CHL1: variants seen among roughly 807,000 people sequenced by gnomAD.
The protein encoded by CHL1 is cell adhesion molecule L1 like, also known as neural cell adhesion molecule L1-like protein.
CHL1 carries 96 observed loss-of-function variants against 141.9 expected under a neutral mutation model. That is an observed-to-expected ratio of 0.68 (90% confidence interval 0.57 to 0.80). The LOEUF is 0.80. CHL1 is among the 30% of genes least tolerant of loss of function. CHL1 has a pLI of 0.00. For synonymous variants in CHL1, 613 were observed against 502.2 expected, an observed-to-expected ratio of 1.22 and a Z score of -2.95; for missense variants, 1,820 against 1,457.2, an observed-to-expected ratio of 1.25 and a Z score of -4.05.
chr3:220,665 T>G (rs1700752550), intron 1 of CHL1, among the ~76,000 whole-genome samples: 1 of 152,148 alleles, frequency 6.6e-6, no homozygotes, highest in Non-Finnish European at 1.5e-5. Flanking sequence ...GCACTCCAGC[T>G]TGGGCAACAT....
At chr3:255,264 CT>C (rs1162089244) in intron 2 of CHL1, among the ~76,000 whole-genome samples, 1 of 152,142 alleles carries the variant, frequency 6.6e-6, no homozygotes, top group African/African-American at 2.4e-5. Flanking sequence ...TAAAAAGTCT[CT>C]TTCTTATTCA....
intron 11 of CHL1, among the ~76,000 whole-genome samples, chr3:357,858 G>C (rs1274565520): frequency 2.0e-5 from 3 of 152,166 alleles, no homozygotes; most frequent in South Asian, 2.1e-4. Flanking sequence ...GACGGGATAA[G>C]GAGAACTAAA....
Position 265,364 on chromosome 3 carries a change from G to T in CHL1, c.-95+20672G>T, listed in dbSNP as rs1250911951. On this transcript the variant is annotated intron_variant, in intron 2 of 27. Coordinates refer to ENST00000256509, the MANE Select transcript of CHL1 (RefSeq NM_006614.4). ...AGTGCACAGACTAAATGTTCAATTT[G>T]CTATAACATTTCTATAATATCACTC... is the stretch of plus-strand genomic sequence containing the variant. Among the ~76,000 whole-genome samples, 4 of 152,154 alleles carry T rather than the reference G, an allele frequency of 2.6e-5. No individual in the cohort carries two copies. In the East Asian group the frequency reaches 7.7e-4, roughly 29 times the overall value.
chr3:290,348 G>T (rs1274878552), intron 2 of CHL1, among the ~76,000 whole-genome samples: 2 of 152,082 alleles, frequency 1.3e-5, no homozygotes, highest in African/African-American at 4.8e-5. Flanking sequence ...CACAAATATT[G>T]TGAGTATTAA....
At chr3:214,983 C>CACAT (rs5845953) in intron 1 of CHL1, among the ~76,000 whole-genome samples, 2 of 149,690 alleles carry the variant, frequency 1.3e-5, no homozygotes, top group Non-Finnish European at 3.0e-5. Context: ...CACACACACA[C>CACAT]GTAACTGCTC....
At chr3:270,804 C>T (rs1345319447) in intron 2 of CHL1, among the ~76,000 whole-genome samples, 3 of 152,186 alleles carry the variant, frequency 2.0e-5, no homozygotes, top group African/African-American at 7.2e-5. Context: ...CCACATGGCT[C>T]GTAGTGGACG....
intron 5 of CHL1, among the ~76,000 whole-genome samples, chr3:337,531 A>G (rs1326364943): frequency 1.8e-4 from 16 of 89,414 alleles, no homozygotes; most frequent in East Asian, 6.1e-4. Flanking sequence ...CCCACCCCAC[A>G]ACAGGCCCCG....
intron 3 of CHL1, 38 bp from the exon 4 acceptor site, chr3:325,921 T>C: frequency 7.1e-7 from 1 of 1,412,816 alleles, no homozygotes; most frequent in South Asian, 1.2e-5. Flanking sequence ...GCCTGCTGTT[T>C]GAATAGTGTG....
intron 1 of CHL1, chr3:213,244 A>G (rs1240961818): frequency 6.6e-6 from 1 of 152,230 alleles, no homozygotes; most frequent in African/African-American, 2.4e-5. Context: ...ATTGATTCCC[A>G]TGATGCGTTC....
rs780875473 is a variant in CHL1, at chr3:349,345, A to T, written c.849-14A>T. ...TTTTAAAAAAATGTTTATTTATTTA[A>T]CTATTTTTTGCAGGCCAACTCCACA... On this transcript the variant is annotated splice_polypyrimidine_tract_variant and intron_variant, in intron 9 of 27. Coordinates refer to ENST00000256509, the MANE Select transcript of CHL1 (RefSeq NM_006614.4). 2.5e-6 allele frequency: 4 copies of T among 1,601,330 alleles called. No individual in the cohort carries two copies. The highest frequency in any genetic ancestry group is 3.4e-6 in the Non-Finnish European group (4 of 1,174,314).
intron 16 of CHL1, among the ~76,000 whole-genome samples, chr3:379,117 G>T (rs980400388): frequency 6.6e-6 from 1 of 152,046 alleles, no homozygotes; most frequent in Non-Finnish European, 1.5e-5. Flanking sequence ...AGCTGTTGGG[G>T]CCACCTGTTA....
At chr3:368,448 G>C (rs907287377) in intron 15 of CHL1, among the ~76,000 whole-genome samples, 5 of 151,832 alleles carry the variant, frequency 3.3e-5, no homozygotes, top group Non-Finnish European at 7.4e-5. Context: ...GGGGTTGTTT[G>C]TTTCTTATAA....
chr3:272,980 C>G (rs1010509268), intron 2 of CHL1, among the ~76,000 whole-genome samples: 45 of 152,260 alleles, frequency 3.0e-4, no homozygotes, highest in African/African-American at 1.0e-3. Flanking sequence ...TCCTATTAAG[C>G]TGGTATAAGT....
intron 2 of CHL1, among the ~76,000 whole-genome samples, chr3:263,298 A>G (rs1472108699): frequency 6.6e-6 from 1 of 152,176 alleles, no homozygotes; most frequent in Non-Finnish European, 1.5e-5. Context: ...TAGGTACATT[A>G]AGAGTTGCAG....
At chr3:199,263 C>T (rs932925888) in intron 1 of CHL1, among the ~76,000 whole-genome samples, 4 of 152,180 alleles carry the variant, frequency 2.6e-5, no homozygotes, top group Admixed American at 2.0e-4. Flanking sequence ...ATAGTTATTA[C>T]TGGATGGGTG....
At chr3:250,837 A>G (rs913560675) in intron 2 of CHL1, among the ~76,000 whole-genome samples, 1 of 152,080 alleles carries the variant, frequency 6.6e-6, no homozygotes, top group African/African-American at 2.4e-5. Context: ...CTCTTATGAA[A>G]TGTCTTTCTA....
At chr3:258,926 G>A (rs1230657449) in intron 2 of CHL1, among the ~76,000 whole-genome samples, 2 of 147,910 alleles carry the variant, frequency 1.4e-5, no homozygotes, top group Non-Finnish European at 1.5e-5. Flanking sequence ...TTAAACGTAT[G>A]GCAACATCTT....
chr3:205,191 A>G (rs1415899641), intron 1 of CHL1, among the ~76,000 whole-genome samples: 1 of 150,716 alleles, frequency 6.6e-6, no homozygotes, highest in Non-Finnish European at 1.5e-5. Flanking sequence ...GCTCACTGCA[A>G]CCTCGAACTC....
rs1236958394 is a variant in CHL1 at position 408,978 on chromosome 3, G to A, written c.*3267G>A. The A allele has an allele frequency of 1.3e-5, 2 of 152,028 alleles. No homozygotes were observed. The highest frequency in any genetic ancestry group is 1.5e-5 in the Non-Finnish European group (1 of 67,982). 9.4% of individuals were successfully genotyped at this position (152,028 alleles called of 1,614,324 possible). A position where few individuals can be genotyped will look rare whatever the true frequency, so the allele number is the denominator to read the frequency against. On this transcript the variant is annotated 3_prime_UTR_variant, in exon 28 of 28. Transcript: ENST00000256509. ...GATAAGCTAAAGAGGGGACAATAAT[G>A]AGAAATGTTGGTGTGCTTTTCTAAG...
Sources: gnomAD v4.1 joint callset for allele counts (sites outside exome capture counted in the v4.1 genomes callset) on GRCh38, gnomAD v4.1.1 for gene constraint, MANE v1.5 for transcripts, NCBI Gene and HGNC (gene_info 2026-07-23, HGNC 2026-07-21) for gene names.